Variants in RNF123 observed in about 807,000 individuals in gnomAD.
The protein encoded by RNF123 is E3 ubiquitin-protein ligase RNF123.
Under a neutral mutation model 168.5 loss-of-function variants are expected in RNF123, and 86 were observed. That is an observed-to-expected ratio of 0.51 (90% CI 0.43 to 0.61). The LOEUF (loss-of-function observed/expected upper bound fraction) is 0.61, where lower values mean the gene tolerates loss of function less well. Among genes scored for constraint, RNF123 ranks in the 20% least tolerant of loss-of-function variants. The pLI is 0.00. For synonymous variants in RNF123, 666 were observed against 689.1 expected (o/e 0.97, Z 0.52); for missense variants, 1,419 against 1,729.7 (o/e 0.82, Z 3.19).
chr3:49,699,826 C>T lies in RNF123; in HGVS notation c.984+54C>T, dbSNP rs2054341994. On this transcript the variant is annotated intron_variant, in intron 12 of 38. Transcript: ENST00000327697. The surrounding 1 kb of genome is among the most constrained non-coding windows in gnomAD (Gnocchi z 4.8). Reference sequence around the variant, plus strand: ...GGGAGGAGACAGGCCATGCTAGACACGCCCGTGGTAGATGTGCCCTCACTG... The same window carrying T: ...GGGAGGAGACAGGCCATGCTAGACATGCCCGTGGTAGATGTGCCCTCACTG... 7 of 1,547,224 alleles carry T rather than the reference C, an allele frequency of 4.5e-6. No individual in the cohort carries two copies. Among genetic ancestry groups the T allele is most frequent in the South Asian group, 1.1e-5 (1 of 89,430 alleles).
intron 35 of RNF123, chr3:49,718,428 A>G: frequency 6.2e-7 from 1 of 1,613,012 alleles, no homozygotes; most frequent in South Asian, 1.1e-5. Context: ...AGAGTCCCGC[A>G]TGCTGCTCCT....
chr3:49,721,463 C>T lies in RNF123; in HGVS notation c.*158C>T, dbSNP rs760862244. On this transcript the variant is annotated 3_prime_UTR_variant, in exon 39 of 39. Coordinates refer to ENST00000327697, the MANE Select transcript of RNF123 (RefSeq NM_022064.5). ...CTCATTGGTGGGAGCCCAGCCATGG[C>T]CCTAATTGTGCCTGAGCTTGACTTT... 9.7e-7 allele frequency: 1 copy of T among 1,029,004 alleles called. No individual in the cohort carries two copies. The highest frequency in any genetic ancestry group is 1.7e-5 in the Admixed American group (1 of 58,322). 63.7% of individuals were successfully genotyped at this position (1,029,004 alleles called of 1,614,324 possible). A position where few individuals can be genotyped will look rare whatever the true frequency, so the allele number is the denominator to read the frequency against.
At chr3:49,704,903 C>A in intron 22 of RNF123, 81 bp from the exon 23 acceptor site, 3 of 1,428,786 alleles carry the variant, frequency 2.1e-6, no homozygotes, top group Non-Finnish European at 1.9e-6. Flanking sequence ...GAGGCATGGA[C>A]CCTCCCTCAC....
intron 26 of RNF123, among the ~76,000 whole-genome samples, chr3:49,709,141 C>CT (rs1165548600): frequency 7.1e-6 from 1 of 141,590 alleles, no homozygotes; most frequent in Non-Finnish European, 1.5e-5. Context: ...TTTTTTTTTT[C>CT]TTTTTTTGAG....
At chr3:49,717,771 G>A in intron 35 of RNF123, 1 of 700,516 alleles carries the variant, frequency 1.4e-6, no homozygotes, top group South Asian at 1.9e-5. Flanking sequence ...GCAGGTTGGG[G>A]ACCACAACCC....
At chr3:49,717,923 G>A (rs765755012) in intron 35 of RNF123, 4 of 1,592,476 alleles carry the variant, frequency 2.5e-6, no homozygotes, top group Non-Finnish European at 3.4e-6. Flanking sequence ...AAGAGGGTGG[G>A]GGCCTGGGTG....
intron 35 of RNF123, chr3:49,717,559 G>A: frequency 4.0e-6 from 1 of 249,462 alleles, no homozygotes; most frequent in Non-Finnish European, 7.8e-6. Context: ...AGGGTGGACG[G>A]GAGGCTCTGC....
intron 35 of RNF123, chr3:49,718,495 G>A (rs962582792): frequency 1.9e-6 from 3 of 1,613,014 alleles, no homozygotes; most frequent in African/African-American, 2.7e-5. Flanking sequence ...GCCATCGCGG[G>A]ATCCTGGCGC....
intron 27 of RNF123, chr3:49,712,892 G>A (rs377011567): frequency 2.8e-6 from 2 of 704,372 alleles, no homozygotes; most frequent in African/African-American, 1.7e-5. Flanking sequence ...GATGGAACAC[G>A]GTGGGTGTAG....
At chr3:49,704,892 G>T in intron 22 of RNF123, 92 bp from the exon 23 acceptor site, 2 of 1,408,912 alleles carry the variant, frequency 1.4e-6, no homozygotes, top group Non-Finnish European at 1.9e-6. Flanking sequence ...TGCTGTGGGT[G>T]GAGGCATGGA....
Position 49,720,615 on chromosome 3 carries a change from T to C in RNF123, c.3605T>C (p.Leu1202Pro), listed in dbSNP as rs769445575. 6.2e-7 allele frequency: 1 copy of C among 1,605,958 alleles called. No individual in the cohort carries two copies. The highest frequency in any genetic ancestry group is 2.2e-5 in the East Asian group (1 of 44,714). Residue 1202 changes from leucine (L) to proline (P), a missense_variant, in exon 36 of 39, where the codon CTG becomes CCG. Physicochemically the swap from Leu to Pro is moderately conservative, Grantham distance 98. Coordinates refer to ENST00000327697, the MANE Select transcript of RNF123 (RefSeq NM_022064.5). ...GAGCCCCCAGCACCTGGCACTGCTCTGCCAGCCCCTGACCGGAAGCGCTTC... is the reference window on the plus strand; with the variant it reads ...GAGCCCCCAGCACCTGGCACTGCTCCGCCAGCCCCTGACCGGAAGCGCTTC... ...QPEPPAPGTA[L>P]PAPDRKRFSL...
chr3:49,719,144 CG>C (rs1559692103), intron 35 of RNF123: 1 of 1,613,606 alleles, frequency 6.2e-7, no homozygotes, highest in Non-Finnish European at 8.5e-7. Context: ...AGGCCGCTGG[CG>C]TTGACGAAGA....
chr3:49,701,776 G>A (rs1187940046), intron 16 of RNF123, 35 bp from the exon 17 acceptor site: 1 of 1,550,884 alleles, frequency 6.4e-7, no homozygotes, highest in Non-Finnish European at 8.7e-7. Flanking sequence ...GGTCCCAGGT[G>A]ACCCTGCTGT....
At chr3:49,690,357 C>CT (rs2054119662) in intron 1 of RNF123, among the ~76,000 whole-genome samples, 1 of 152,166 alleles carries the variant, frequency 6.6e-6, no homozygotes, top group Non-Finnish European at 1.5e-5. Context: ...ATTTTTAAAA[C>CT]TTTAAATTTA....
chr3:49,719,197 AGGG>A (rs2080328319), intron 35 of RNF123: 1 of 1,613,232 alleles, frequency 6.2e-7, no homozygotes, highest in African/African-American at 1.3e-5. Context: ...GTCTAGGTGC[AGGG>A]CGCGCAGCTG....
intron 12 of RNF123, 40 bp from the exon 13 acceptor site, chr3:49,700,187 T>G (rs1280730702): frequency 8.7e-6 from 14 of 1,610,932 alleles, no homozygotes; most frequent in Non-Finnish European, 1.2e-5. Flanking sequence ...TTGACCAGAG[T>G]GGAAGGCCAC....
At chr3:49,694,803 T>A (rs1167811403) in intron 3 of RNF123, among the ~76,000 whole-genome samples, 5 of 151,544 alleles carry the variant, frequency 3.3e-5, no homozygotes, top group Non-Finnish European at 7.4e-5. Context: ...TCCTGGCCTG[T>A]TCTCAGAGCC....
Position 49,691,275 on chromosome 3 carries a change from C to A in RNF123, c.82+28C>A, listed in dbSNP as rs1302091058. ...AAGAGCTGGCAGGGAAGGAAGGAGG[C>A]TCCTCTTGTTGGGAGGAGAAGGAAG... On this transcript the variant is annotated intron_variant, in intron 2 of 38. Transcript: ENST00000327697. The A allele has an allele frequency of 1.9e-6, 3 of 1,609,550 alleles. No homozygotes were observed. The African/African-American group carries it at 4.0e-5, about 22-fold the overall frequency.
chr3:49,720,602 C>G lies in RNF123; in HGVS notation c.3592C>G (p.Pro1198Ala), dbSNP rs780185122. 6 of 1,610,538 alleles carry G rather than the reference C, an allele frequency of 3.7e-6. No individual in the cohort carries two copies. The highest frequency in any genetic ancestry group is 4.2e-6 in the Non-Finnish European group (5 of 1,177,706). The change falls in exon 36 of 39, where the codon CCT becomes GCT. Residue 1198 changes from proline to alanine, a missense_variant. By Grantham distance (27) the Pro-to-Ala change is conservative. Coordinates refer to ENST00000327697, the MANE Select transcript of RNF123 (RefSeq NM_022064.5). The stretch of plus-strand genomic sequence containing the variant: ...CCTGGGACAGCCAGAGCCCCCAGCA[C>G]CTGGCACTGCTCTGCCAGCCCCTGA... ...YLLGQPEPPA[P>A]GTALPAPDRK...
Sources: gnomAD v4.1 joint callset for allele counts (sites outside exome capture counted in the v4.1 genomes callset) on GRCh38, gnomAD v4.1.1 for gene constraint, Gnocchi (gnomAD v3.1) non-coding constraint, MANE v1.5 for transcripts, NCBI Gene and HGNC (gene_info 2026-07-23, HGNC 2026-07-21) for gene names.